Variants in STPG2 observed in about 807,000 individuals in gnomAD.
STPG2 encodes the protein sperm-tail PG-rich repeat-containing protein 2.
STPG2 carries 56 observed loss-of-function variants against 54.2 expected under a neutral mutation model. The ratio of observed to expected loss-of-function variants is 1.03; its 90% CI spans 0.83 to 1.29. STPG2 has a LOEUF of 1.29. Among genes scored for constraint, STPG2 ranks in the 50% most tolerant of loss-of-function variants. STPG2 has a pLI of 0.00. For missense variants in STPG2, 596 were observed against 544.9 expected (o/e 1.09, Z -0.93); for synonymous variants, 200 against 181.8 (o/e 1.10, Z -0.81).
chr4:98,137,830 T>C (rs1191349771), intron 1 of STPG2, among the ~76,000 whole-genome samples: 2 of 151,826 alleles, frequency 1.3e-5, no homozygotes, highest in African/African-American at 2.4e-5. Context: ...ATAAAGAGAA[T>C]CAAGAAAGCT....
chr4:97,929,625 C>A (rs1275448276), intron 8 of STPG2, among the ~76,000 whole-genome samples: 2 of 152,142 alleles, frequency 1.3e-5, no homozygotes, highest in African/African-American at 2.4e-5. Flanking sequence ...CTCTAATTAT[C>A]AGTGATGTTG....
At chr4:97,759,812 A>G (rs1039694718) in intron 9 of STPG2, among the ~76,000 whole-genome samples, 3 of 152,168 alleles carry the variant, frequency 2.0e-5, no homozygotes, top group Admixed American at 2.0e-4. Flanking sequence ...AATAAGCCAG[A>G]GAGTTTTAGA....
intron 9 of STPG2, among the ~76,000 whole-genome samples, chr4:97,760,767 T>TA (rs942286082): frequency 1.3e-5 from 2 of 152,174 alleles, no homozygotes; most frequent in Non-Finnish European, 2.9e-5. Context: ...TATAGTGGCT[T>TA]AAAACAAGAC....
At chr4:97,940,948 T>C (rs1371400576) in intron 8 of STPG2, among the ~76,000 whole-genome samples, 1 of 152,150 alleles carries the variant, frequency 6.6e-6, no homozygotes, top group Non-Finnish European at 1.5e-5. Flanking sequence ...ATTCTTTTGT[T>C]TCCTTTTTTT....
intron 10 of STPG2, among the ~76,000 whole-genome samples, chr4:97,662,486 T>C (rs1173197629): frequency 6.6e-6 from 1 of 152,156 alleles, no homozygotes; most frequent in African/African-American, 2.4e-5. Context: ...AGAATTACCA[T>C]TCAACCCAGC....
chr4:97,843,908 C>T (rs1379629823), intron 8 of STPG2, among the ~76,000 whole-genome samples: 1 of 151,820 alleles, frequency 6.6e-6, no homozygotes, highest in Non-Finnish European at 1.5e-5. Context: ...AAGAGATTAA[C>T]ATTTCTTGGT....
At chr4:97,737,041 T>C (rs1041072580) in intron 9 of STPG2, among the ~76,000 whole-genome samples, 1 of 152,158 alleles carries the variant, frequency 6.6e-6, no homozygotes, top group Non-Finnish European at 1.5e-5. Flanking sequence ...GACAGCAGCA[T>C]TCGCGGTTCA....
Position 97,603,630 on chromosome 4 carries a change from G to C in STPG2, c.1321-44513C>G, listed in dbSNP as rs185115126. Among the ~76,000 whole-genome samples, 3 of 151,086 alleles carry C rather than the reference G, an allele frequency of 2.0e-5. No individual in the cohort carries two copies. The East Asian group carries it at 5.8e-4, about 29-fold the overall frequency. On this transcript the variant is annotated intron_variant, in intron 10 of 10. Coordinates refer to ENST00000295268, the MANE Select transcript of STPG2 (RefSeq NM_174952.3). ...ATATATACACACACATATATATATC[G>C]TTATATATATAAAATGCAATATTAT...
At position 97,994,548 on chromosome 4, in the gene STPG2, A is replaced by C. The variant is rs182623575; in HGVS notation, c.613-13230T>G. Among the ~76,000 whole-genome samples, 530 of 152,154 alleles carry C rather than the reference A, an allele frequency of 3.5e-3. 2 individuals carry two copies. Among genetic ancestry groups the C allele is most frequent in the Middle Eastern group, 6.8e-3 (2 of 294 alleles). On this transcript the variant is annotated intron_variant, in intron 5 of 10. Coordinates refer to ENST00000295268, the MANE Select transcript of STPG2 (RefSeq NM_174952.3). ...TCCCCTAGGGATGTGGCTTCCTGAG[A>C]CCTGAGCTGCAGTGATTATTGTTTC... is the stretch of plus-strand genomic sequence containing the variant.
chr4:97,828,423 C>A (rs933173771), intron 9 of STPG2, among the ~76,000 whole-genome samples: 6 of 152,138 alleles, frequency 3.9e-5, no homozygotes, highest in African/African-American at 1.4e-4. Context: ...AGTGCCTATG[C>A]CATCAGGGCC....
chr4:97,732,383 A>G (rs1724829286), intron 9 of STPG2, among the ~76,000 whole-genome samples: 1 of 152,232 alleles, frequency 6.6e-6, no homozygotes, highest in African/African-American at 2.4e-5. Flanking sequence ...ATAGCGATCC[A>G]GTTTCATTCG....
In STPG2 at chr4:97,468,945, A is replaced by G. The variant is rs370002402; in HGVS notation, c.462+243754T>C. ...CCTTGATTATCTGGCTTCTCTTTCC[A>G]CACAGATATAAAAACTACAACAGAA... On this transcript the variant is annotated intron_variant, in intron 4 of 4. Transcript: ENST00000522676. 6.6e-5 allele frequency among the ~76,000 whole-genome samples: 10 copies of G among 152,208 alleles called. No individual in the cohort carries two copies. The East Asian group carries it at 1.9e-3, about 29-fold the overall frequency.
chr4:97,713,642 T>G (rs1244267723), intron 9 of STPG2, among the ~76,000 whole-genome samples: 1 of 152,182 alleles, frequency 6.6e-6, no homozygotes, highest in Non-Finnish European at 1.5e-5. Context: ...CCTATGAGAA[T>G]CTAATGTCAG....
chr4:97,948,122 AT>A (rs1293089486), intron 7 of STPG2, among the ~76,000 whole-genome samples: 1 of 151,854 alleles, frequency 6.6e-6, no homozygotes, highest in Non-Finnish European at 1.5e-5. Context: ...TTTCTTCCCA[AT>A]TTAATCTAAA....
intron 8 of STPG2, among the ~76,000 whole-genome samples, chr4:97,910,670 C>G (rs1446883289): frequency 1.3e-5 from 2 of 151,928 alleles, no homozygotes; most frequent in Non-Finnish European, 2.9e-5. Context: ...GAACGCATTT[C>G]AAAAGTACTC....
intron 10 of STPG2, among the ~76,000 whole-genome samples, chr4:97,703,527 T>C (rs1723843938): frequency 7.1e-6 from 1 of 140,204 alleles, no homozygotes; most frequent in South Asian, 2.1e-4. Context: ...CTATATACTA[T>C]ATATAAGTCT....
intron 9 of STPG2, among the ~76,000 whole-genome samples, chr4:97,829,918 G>A (rs1173231168): frequency 6.6e-6 from 1 of 152,128 alleles, no homozygotes; most frequent in Non-Finnish European, 1.5e-5. Flanking sequence ...TGAAAGTGAT[G>A]GGGAGAATAG....
rs970439482 is a variant in STPG2 at position 97,486,868 on chromosome 4, C to T, written c.462+225831G>A. On this transcript the variant is annotated intron_variant, in intron 4 of 4. Transcript: ENST00000522676. ...ATATATGTATGTATACAAACACACA[C>T]ACACACACACACACACACACACACA... is the stretch of plus-strand genomic sequence containing the variant. 9.0e-4 allele frequency among the ~76,000 whole-genome samples: 126 copies of T among 140,000 alleles called. 1 individual carries two copies. Among genetic ancestry groups the T allele is most frequent in the South Asian group, 8.0e-3 (36 of 4,506 alleles). 91.8% of individuals were successfully genotyped at this position (140,000 alleles called of 152,430 possible).
intron 10 of STPG2, among the ~76,000 whole-genome samples, chr4:97,634,706 G>C (rs1219456803): frequency 1.3e-5 from 2 of 152,032 alleles, no homozygotes; most frequent in Non-Finnish European, 2.9e-5. Flanking sequence ...GAAGCCTCAG[G>C]AGCCGATGCA....
Sources: allele counts gnomAD v4.1 joint callset (sites outside exome capture counted in the v4.1 genomes callset), GRCh38; gene constraint gnomAD v4.1.1; transcripts MANE v1.5; gene names NCBI Gene and HGNC (gene_info 2026-07-23, HGNC 2026-07-21).